The following ZNF208 variants were observed in gnomAD, a reference collection of about 807,000 sequenced individuals.
ZNF208 encodes the protein zinc finger protein 208.
Under a neutral mutation model 12.1 loss-of-function variants are expected in ZNF208, and 10 were observed. The ratio of observed to expected loss-of-function variants is 0.83; its 90% CI spans 0.51 to 1.40. The LOEUF (loss-of-function observed/expected upper bound fraction) is 1.40, where lower values mean the gene tolerates loss of function less well. ZNF208 is among the 40% of genes most tolerant of loss of function. The pLI, the probability that ZNF208 is intolerant of heterozygous loss-of-function variation, is 0.00. For synonymous variants in ZNF208, 497 were observed against 488.4 expected, an observed-to-expected ratio of 1.02 and a Z score of -0.23; for missense variants, 1,652 against 1,485.0, an observed-to-expected ratio of 1.11 and a Z score of -1.85.
In ZNF208 at chr19:21,973,269, C is replaced by T. The variant is rs1407205020; in HGVS notation, c.1765G>A (p.Ala589Thr). Residue 589 changes from alanine (A) to threonine (T), a missense_variant, in exon 4 of 4, where the codon GCT becomes ACT. Physicochemically the swap from Ala to Thr is moderately conservative, Grantham distance 58 (BLOSUM62 0). This residue lies in a region of ZNF208 where 1,239 missense variants were observed against 1,086.2 expected (regional missense o/e 1.14). Coordinates refer to ENST00000397126, the MANE Select transcript of ZNF208 (RefSeq NM_007153.3). ...ATAAGAATTGCAGATTGGTTAAAAG[C>T]TTTGCCACATTCTTCACATTTGTAG... ...KPYKCEECGK[A>T]FNQSAILIKH... The T allele has an allele frequency of 1.9e-6, 3 of 1,611,964 alleles. No homozygotes were observed. The highest frequency in any genetic ancestry group is 2.7e-5 in the African/African-American group (2 of 74,784).
rs115319279 is a variant in ZNF208 at position 21,952,776 on chromosome 19, C to T, written c.306-19539G>A. On this transcript the variant is annotated intron_variant, in intron 4 of 4. Transcript: ENST00000599916. ...GCACCTTTTCTCCTCCAAAGGATGA[C>T]AGCTCCTCACCAGCAATGGAACAAA... Among the ~76,000 whole-genome samples, 1,138 of 152,284 alleles carry T rather than the reference C, an allele frequency of 7.5e-3. 9 individuals are homozygous for T. The highest frequency in any genetic ancestry group is 0.026 in the African/African-American group (1,066 of 41,556).
At chr19:21,958,530 G>A (rs974013843) in intron 4 of ZNF208, among the ~76,000 whole-genome samples, 2 of 152,090 alleles carry the variant, frequency 1.3e-5, no homozygotes, top group African/African-American at 4.8e-5. Flanking sequence ...TATAACTATA[G>A]CTACCAGTTA....
intron 1 of ZNF208, chr19:22,009,722 G>A (rs1971107802): frequency 1.3e-5 from 2 of 150,544 alleles, no homozygotes; most frequent in Admixed American, 1.3e-4. Flanking sequence ...ACTCCAGCCT[G>A]GGCGACAGAG....
intron 3 of ZNF208, among the ~76,000 whole-genome samples, chr19:21,983,811 G>A (rs972847309): frequency 6.6e-6 from 1 of 151,980 alleles, no homozygotes; most frequent in Non-Finnish European, 1.5e-5. Context: ...TGAGAACACA[G>A]GGACACAGGA....
rs367573707 is a variant in ZNF208 at position 22,010,770 on chromosome 19, G to T, written c.3+22C>A. The T allele has an allele frequency of 2.5e-6, 4 of 1,614,200 alleles. No individual in the cohort carries two copies. The Admixed American group carries it at 6.7e-5, about 27-fold the overall frequency. On this transcript the variant is annotated intron_variant, in intron 1 of 3. Coordinates refer to ENST00000397126, the MANE Select transcript of ZNF208 (RefSeq NM_007153.3). ...AAGCAGCCCGGGCCACTCTCTCAGT[G>T]TGTCGGACCCGGCACACTCACCATT... is the stretch of plus-strand genomic sequence containing the variant.
rs577761647 is a variant in ZNF208, at chr19:21,970,636, T to C, written c.*555A>G. The C allele has an allele frequency of 2.8e-5, 28 of 993,858 alleles. No homozygotes were observed. The highest frequency in any genetic ancestry group is 1.6e-4 in the Admixed American group (9 of 55,220). 61.6% of individuals were successfully genotyped at this position (993,858 alleles called of 1,614,324 possible). A position where few individuals can be genotyped will look rare whatever the true frequency, so the allele number is the denominator to read the frequency against. On this transcript the variant is annotated 3_prime_UTR_variant, in exon 4 of 4. Transcript: ENST00000397126. ...CTTCTCACCAGTATGAATTCTCTTATGTTCCATAAGGTTTGAGGACTGGTT... is the reference window on the plus strand; with the variant it reads ...CTTCTCACCAGTATGAATTCTCTTACGTTCCATAAGGTTTGAGGACTGGTT...
intron 3 of ZNF208, among the ~76,000 whole-genome samples, chr19:21,980,233 G>A (rs550995602): frequency 6.6e-6 from 1 of 152,250 alleles, no homozygotes; most frequent in South Asian, 2.1e-4. Context: ...AAACCAAATA[G>A]ACATCTACAG....
Position 21,971,446 on chromosome 19 carries a change from G to C in ZNF208, c.3588C>G (p.Leu1196=). ...KHKVIHTGEK[L]YKCEECGKAY... The stretch of plus-strand genomic sequence containing the variant: ...CTTTGCCACATTCTTCACATTTGTA[G>C]AGTTTCTCTCCAGTATGAATTACCT... The change falls in exon 4 of 4, where the codon CTC becomes CTG. Residue 1196 remains leucine (L), a synonymous_variant. Coordinates refer to ENST00000397126, the MANE Select transcript of ZNF208 (RefSeq NM_007153.3). 1 of 1,610,040 alleles carries C rather than the reference G, an allele frequency of 6.2e-7. No homozygotes were observed. Among genetic ancestry groups the C allele is most frequent in the Non-Finnish European group, 8.5e-7 (1 of 1,179,348 alleles).
In ZNF208 at chr19:21,973,661, C is replaced by T. The variant is rs775036679; in HGVS notation, c.1373G>A (p.Cys458Tyr). ...TGAGAACATACTAAAGCCTTTGCCA[C>T]ATTCTTCACATTTGTAGGGTGTCTC... is the stretch of plus-strand genomic sequence containing the variant. ...TGETPYKCEE[C>Y]GKGFSMFSIL... The change falls in exon 4 of 4, where the codon TGT (cysteine) becomes TAT (tyrosine). Residue 458 changes from cysteine to tyrosine, a missense_variant. Around this residue, in one of 3 missense-constraint regions of ZNF208, gnomAD observed 1,239 missense variants for 1,086.2 expected, o/e 1.14. Transcript: ENST00000397126. 12 of 1,570,526 alleles carry T rather than the reference C, an allele frequency of 7.6e-6. No homozygotes were observed. The highest frequency in any genetic ancestry group is 3.4e-5 in the Admixed American group (2 of 58,948).
chr19:21,974,163 C>G lies in ZNF208; in HGVS notation c.871G>C (p.Gly291Arg), dbSNP rs1295226196. ...GTCGAGACCTTACTAAAGGCTTTGC[C>G]ACATTCTTCACATTTGTTGGGTTTC... ...GEKPNKCEEC[G>R]KAFSKVSTLT... The change falls in exon 4 of 4, where the codon GGC (glycine) becomes CGC (arginine). Residue 291 changes from glycine to arginine, a missense_variant. Gly to Arg is a moderately radical substitution (Grantham distance 125). This residue lies in a region of ZNF208 where 410 missense variants were observed against 378.2 expected (regional missense o/e 1.08). Coordinates refer to ENST00000397126, the MANE Select transcript of ZNF208 (RefSeq NM_007153.3). 6.2e-7 allele frequency: 1 copy of G among 1,603,744 alleles called. No individual in the cohort carries two copies. Among genetic ancestry groups the G allele is most frequent in the Non-Finnish European group, 8.5e-7 (1 of 1,171,830 alleles).
At chr19:21,962,818 G>C (rs1389183694), downstream of ZNF208, among the ~76,000 whole-genome samples, 1 of 152,080 alleles carries the variant, frequency 6.6e-6, no homozygotes, top group African/African-American at 2.4e-5. Context: ...GAATCGATTT[G>C]TTGATTTCAA....
chr19:22,005,293 AGG>A (rs1299936955), intron 1 of ZNF208, among the ~76,000 whole-genome samples: 1 of 152,138 alleles, frequency 6.6e-6, no homozygotes, highest in Non-Finnish European at 1.5e-5. Flanking sequence ...CTGTGGCAAA[AGG>A]GGGTTTGTCA....
chr19:21,946,721 T>C (rs542092163), intron 4 of ZNF208, among the ~76,000 whole-genome samples: 135 of 152,310 alleles, frequency 8.9e-4, no homozygotes, highest in African/African-American at 3.0e-3. Context: ...CTGAGGCTTC[T>C]TGTCCTAAGT....
chr19:21,979,757 A>G (rs1473752707), intron 3 of ZNF208, among the ~76,000 whole-genome samples: 1 of 152,222 alleles, frequency 6.6e-6, no homozygotes, highest in East Asian at 1.9e-4. Context: ...AAACAGGCTA[A>G]ATGCCCCAAT....
rs531919713 is a variant in ZNF208, at chr19:22,002,532, A to G, written c.3+8260T>C. 1.4e-4 allele frequency among the ~76,000 whole-genome samples: 21 copies of G among 152,144 alleles called. No individual in the cohort carries two copies. In the East Asian group the frequency reaches 3.9e-3, roughly 28 times the overall value. On this transcript the variant is annotated intron_variant, in intron 1 of 3. Transcript: ENST00000397126. ...ACAAAAGAAATGTACAAAAATTAGT[A>G]GCAACCCTATATATCAAGAACACCT...
chr19:21,962,440 C>G (rs1214065727), downstream of ZNF208, among the ~76,000 whole-genome samples: 1 of 152,038 alleles, frequency 6.6e-6, no homozygotes, highest in Non-Finnish European at 1.5e-5. Context: ...AAAAAAAGAA[C>G]ATTTTTAAAA....
At chr19:21,993,708 G>A (rs920247131) in intron 1 of ZNF208, among the ~76,000 whole-genome samples, 8 of 152,090 alleles carry the variant, frequency 5.3e-5, no homozygotes, top group African/African-American at 1.9e-4. Flanking sequence ...AGAGAAATGA[G>A]GCACAATGCA....
chr19:21,948,389 C>T (rs941216722), intron 4 of ZNF208, among the ~76,000 whole-genome samples: 1 of 152,184 alleles, frequency 6.6e-6, no homozygotes, highest in African/African-American at 2.4e-5. Context: ...AATCTGCCCT[C>T]TTGGCAGCCC....
At chr19:21,998,637 C>T (rs1970884032) in intron 1 of ZNF208, 1 of 152,188 alleles carries the variant, frequency 6.6e-6, no homozygotes, top group African/African-American at 2.4e-5. Context: ...GGTTTCACCA[C>T]ATTGTCCAGG....
Sources: allele counts gnomAD v4.1 joint callset (sites outside exome capture counted in the v4.1 genomes callset), GRCh38; gene constraint gnomAD v4.1.1; regional missense constraint gnomAD v4.1.1; transcripts MANE v1.5; gene names NCBI Gene and HGNC (gene_info 2026-07-23, HGNC 2026-07-21).